RANBP2: variants seen among roughly 807,000 people sequenced by gnomAD.
The protein encoded by RANBP2 is RAN binding protein 2.
In RANBP2, 57 loss-of-function variants were observed where a neutral mutation model predicts 303.6. The observed-to-expected ratio is 0.19, with a 90% confidence interval of 0.15 to 0.23. RANBP2 has a LOEUF of 0.23. Ranked by LOEUF, RANBP2 falls within the 10% of genes least tolerant of loss-of-function variation. The probability of loss-of-function intolerance (pLI) is 1.00; values close to 1 mark genes in which losing one functional copy is unlikely to be tolerated. For synonymous variants in RANBP2, 1,167 were observed against 1,301.5 expected (o/e 0.90, Z 2.23); for missense variants, 3,138 against 3,780.8 (o/e 0.83, Z 4.46).
chr2:109,525,376 C>T, the RANBP2 span, among the ~76,000 whole-genome samples: 5,050 of 152,196 alleles, frequency 0.033, 112 homozygotes, highest in Middle Eastern at 0.082. Flanking sequence ...CTTGGCCAGG[C>T]TGGTCTCGAA....
chr2:108,831,316 A>C, the RANBP2 span, among the ~76,000 whole-genome samples: 2 of 152,356 alleles, frequency 1.3e-5, no homozygotes, highest in East Asian at 3.9e-4. Flanking sequence ...CAAAGAGTTC[A>C]CAGTTCCCTA....
chr2:109,497,626 C>G, the RANBP2 span, among the ~76,000 whole-genome samples: 2 of 152,158 alleles, frequency 1.3e-5, no homozygotes, highest in Admixed American at 6.5e-5. Context: ...CAACGGCGCT[C>G]TGTGTCTATA....
In RANBP2 at chr2:108,755,543, G is replaced by A. The variant is rs544305745; in HGVS notation, c.2466+284G>A. On this transcript the variant is annotated intron_variant, in intron 17 of 28. Transcript: ENST00000283195. ...AAGCCAGGACTACAGACAGTCACACGCCACCAGGCCCAGCTAATTGTTGTA... is the reference window on the plus strand; with the variant it reads ...AAGCCAGGACTACAGACAGTCACACACCACCAGGCCCAGCTAATTGTTGTA... Among the ~76,000 whole-genome samples, 11 of 152,028 alleles carry A rather than the reference G, an allele frequency of 7.2e-5. No individual in the cohort carries two copies. In the South Asian group the frequency reaches 2.1e-3, roughly 29 times the overall value.
At chr2:109,501,945 G>A in the RANBP2 span, 4 of 406,678 alleles carry the variant, frequency 9.8e-6, no homozygotes, top group Non-Finnish European at 1.8e-5. Context: ...AAGAGAGGCA[G>A]GTGCCGGCGC....
chr2:109,168,849 G>A, the RANBP2 span, among the ~76,000 whole-genome samples: 37 of 152,294 alleles, frequency 2.4e-4, no homozygotes, highest in African/African-American at 8.9e-4. Context: ...AGTGAGAGTT[G>A]TCTTTGGAAA....
the RANBP2 span, among the ~76,000 whole-genome samples, chr2:109,188,723 G>C: frequency 6.6e-6 from 1 of 152,150 alleles, no homozygotes; most frequent in Admixed American, 6.5e-5. Flanking sequence ...GGTGCTTGCC[G>C]TCAGTGTGTG....
At chr2:109,066,848 C>A in the RANBP2 span, among the ~76,000 whole-genome samples, 1 of 152,148 alleles carries the variant, frequency 6.6e-6, no homozygotes, top group East Asian at 1.9e-4. Flanking sequence ...GGGAGAAGAG[C>A]AGCCCCAAAG....
At chr2:109,694,587 A>G in the RANBP2 span, among the ~76,000 whole-genome samples, 1 of 152,088 alleles carries the variant, frequency 6.6e-6, no homozygotes, top group Non-Finnish European at 1.5e-5. Context: ...GGCTTTTCAA[A>G]TAAGGTATAA....
At chr2:109,301,350 G>C in the RANBP2 span, among the ~76,000 whole-genome samples, 1 of 76,388 alleles carries the variant, frequency 1.3e-5, no homozygotes, top group Non-Finnish European at 2.8e-5. Flanking sequence ...GTGTGTGTGT[G>C]TGTTTGTGTA....
the RANBP2 span, among the ~76,000 whole-genome samples, chr2:109,629,232 A>AAATAAATAAAT: frequency 0.063 from 8,611 of 135,616 alleles, 698 homozygotes; most frequent in East Asian, 0.23. Flanking sequence ...ATAAATAAAT[A>AAATAAATAAAT]AATAAAATGC....
chr2:109,062,557 G>A, the RANBP2 span, among the ~76,000 whole-genome samples: 9 of 152,246 alleles, frequency 5.9e-5, 1 homozygote, highest in East Asian at 1.7e-3. Flanking sequence ...TCCACACCCA[G>A]GAAAGTCCCC....
the RANBP2 span, among the ~76,000 whole-genome samples, chr2:109,028,900 G>A: frequency 6.6e-6 from 1 of 152,120 alleles, no homozygotes; most frequent in Non-Finnish European, 1.5e-5. Flanking sequence ...GTGTGAATCT[G>A]GCTGTCACGA....
chr2:108,737,214 G>T (rs1352493588), intron 6 of RANBP2, among the ~76,000 whole-genome samples: 1 of 151,978 alleles, frequency 6.6e-6, no homozygotes, highest in African/African-American at 2.4e-5. Context: ...TAGAAAACAT[G>T]TAGGATGTTT....
chr2:108,923,651 C>T, the RANBP2 span, among the ~76,000 whole-genome samples: 13 of 152,372 alleles, frequency 8.5e-5, no homozygotes, highest in Middle Eastern at 0.017. Context: ...ATTCTTTTAA[C>T]AATATTGAGC....
chr2:108,921,722 T>A, the RANBP2 span, among the ~76,000 whole-genome samples: 7 of 152,170 alleles, frequency 4.6e-5, no homozygotes, highest in African/African-American at 1.7e-4. Context: ...GTGGAGGGCA[T>A]CACTCTGTTT....
At chr2:109,289,898 G>A in the RANBP2 span, among the ~76,000 whole-genome samples, 1 of 152,148 alleles carries the variant, frequency 6.6e-6, no homozygotes, top group Non-Finnish European at 1.5e-5. Flanking sequence ...GGATTGCTGA[G>A]GTTCCTTCCA....
At chr2:109,130,364 C>G in the RANBP2 span, among the ~76,000 whole-genome samples, 1 of 152,238 alleles carries the variant, frequency 6.6e-6, no homozygotes, top group Non-Finnish European at 1.5e-5. Flanking sequence ...CGCTCACCCC[C>G]GATTCCTTGG....
At chr2:108,730,957 A>G in intron 3 of RANBP2, 72 bp downstream of exon 3, 1 of 1,498,974 alleles carries the variant, frequency 6.7e-7, no homozygotes, top group Non-Finnish European at 9.2e-7. Context: ...TATATAAGTA[A>G]GTCAAATATA....
At chr2:109,490,085 T>C in the RANBP2 span, among the ~76,000 whole-genome samples, 2 of 152,218 alleles carry the variant, frequency 1.3e-5, no homozygotes, top group Non-Finnish European at 2.9e-5. Flanking sequence ...TGAGCCACTT[T>C]ACAAGGTTAT....
Sources: allele counts gnomAD v4.1 joint callset (sites outside exome capture counted in the v4.1 genomes callset), GRCh38; gene constraint gnomAD v4.1.1; transcripts MANE v1.5; gene names NCBI Gene and HGNC (gene_info 2026-07-23, HGNC 2026-07-21).